STAB2: variants seen among roughly 807,000 people sequenced by gnomAD.
STAB2 encodes stabilin 2, also known as stabilin-2.
STAB2 carries 288 observed loss-of-function variants against 338.1 expected under a neutral mutation model. The observed-to-expected ratio is 0.85, with a 90% CI of 0.77 to 0.94. The LOEUF is 0.94. STAB2 is among the 40% of genes least tolerant of loss of function. The pLI, the probability that STAB2 is intolerant of heterozygous loss-of-function variation, is 0.00. For synonymous variants in STAB2, 1,202 were observed against 1,193.3 expected (o/e 1.01, Z -0.15); for missense variants, 3,141 against 3,210.1 (o/e 0.98, Z 0.52).
chr12:103,756,384 A>C (rs1010189106), intron 63 of STAB2, among the ~76,000 whole-genome samples: 1 of 152,210 alleles, frequency 6.6e-6, no homozygotes, highest in Admixed American at 6.5e-5. Flanking sequence ...CAAGCCATAG[A>C]ATGTAAGTTC....
chr12:103,759,357 C>A, intron 65 of STAB2, 84 bp downstream of exon 65: 1 of 1,534,822 alleles, frequency 6.5e-7, no homozygotes, highest in South Asian at 1.2e-5. Context: ...TAATAGATGG[C>A]AACTATTATG....
chr12:103,741,735 G>A (rs560013994), intron 55 of STAB2, among the ~76,000 whole-genome samples: 2 of 152,238 alleles, frequency 1.3e-5, no homozygotes, highest in African/African-American at 4.8e-5. Flanking sequence ...GATTACAGGC[G>A]TGAGCCGCCG....
chr12:103,594,468 C>A lies in STAB2; in HGVS notation c.289C>A (p.Gln97Lys), dbSNP rs770004436. ...CCATATTTGTAGGAAGGACTATCTC[C>A]AACCTCGGTGTTGTCCTGGCCGCTG... is the stretch of plus-strand genomic sequence containing the variant. ...CRHICRKDYL[Q>K]PRCCPGRWGP... Residue 97 changes from glutamine (Q) to lysine (K), a missense_variant, in exon 3 of 69, where the codon CAA (glutamine) becomes AAA (lysine). Transcript: ENST00000388887. 2 of 1,614,018 alleles carry A rather than the reference C, an allele frequency of 1.2e-6. No homozygotes were observed. Among genetic ancestry groups the A allele is most frequent in the South Asian group, 2.2e-5 (2 of 91,072 alleles).
chr12:103,669,351 G>T, intron 20 of STAB2, 190 bp from the exon 21 acceptor site: 1 of 586,330 alleles, frequency 1.7e-6, no homozygotes, highest in Non-Finnish European at 3.0e-6. Context: ...ACCCAGGGGA[G>T]GGGCTCAGTA....
At chr12:103,737,578 CTCTCTCTCTCTCTCTCTCTCTCTT>C in intron 52 of STAB2, 32 bp from the exon 53 acceptor site, 1 of 766,066 alleles carries the variant, frequency 1.3e-6, no homozygotes, top group Non-Finnish European at 1.8e-6. Flanking sequence ...GACTGTTTCT[CTCTCTCTCTCTCTCTCTCTCTCTT>C]TCTCTTTTTT....
chr12:103,739,500 A>C, intron 54 of STAB2, 32 bp downstream of exon 54: 1 of 1,549,650 alleles, frequency 6.5e-7, no homozygotes. Context: ...ATGTTTGGAG[A>C]GCCATAGGTC....
chr12:103,700,159 G>A (rs1878738636), intron 34 of STAB2, among the ~76,000 whole-genome samples: 1 of 152,098 alleles, frequency 6.6e-6, no homozygotes, highest in Admixed American at 6.5e-5. Flanking sequence ...AATTCATGAG[G>A]CTCAATATTT....
chr12:103,693,988 T>TAAAA (rs540825862), intron 31 of STAB2, among the ~76,000 whole-genome samples: 3 of 136,366 alleles, frequency 2.2e-5, no homozygotes, highest in African/African-American at 8.0e-5. Flanking sequence ...CCCTCTCTAC[T>TAAAA]AAAAAAAAAA....
chr12:103,618,908 G>T (rs539566045), intron 3 of STAB2, among the ~76,000 whole-genome samples: 2 of 152,066 alleles, frequency 1.3e-5, no homozygotes, highest in East Asian at 3.9e-4. Context: ...TCATGGGGGC[G>T]GGCCTTTCCC....
intron 47 of STAB2, among the ~76,000 whole-genome samples, chr12:103,727,968 G>A (rs2118597): frequency 0.028 from 4,221 of 152,188 alleles, 200 homozygotes; most frequent in African/African-American, 0.097. Context: ...ACCTGGGCCC[G>A]TGTACTTAAC....
At chr12:103,695,190 C>T (rs750092281) in intron 31 of STAB2, among the ~76,000 whole-genome samples, 66 of 152,202 alleles carry the variant, frequency 4.3e-4, no homozygotes, top group Non-Finnish European at 7.6e-4. Context: ...ATATTAGCTG[C>T]AACCTGCTGT....
At chr12:103,702,594 C>T (rs560292286) in intron 34 of STAB2, among the ~76,000 whole-genome samples, 57 of 152,374 alleles carry the variant, frequency 3.7e-4, no homozygotes, top group Non-Finnish European at 8.8e-5. Flanking sequence ...CCACCGCGCC[C>T]GGCCTATCAG....
chr12:103,678,784 G>A (rs1466605955), intron 25 of STAB2, among the ~76,000 whole-genome samples: 4 of 151,880 alleles, frequency 2.6e-5, no homozygotes, highest in Non-Finnish European at 5.9e-5. Context: ...CACCTGCCTC[G>A]GCCTCCCAAA....
Position 103,755,712 on chromosome 12 carries a change from C to T in STAB2, c.6981C>T (p.Phe2327=), listed in dbSNP as rs1884052561. ...TGTCCTTCCCCTCACTCACAAACTT[C>T]CTGACGGTATGTACCATGTCTGCTT... ...VLMSFPSLTN[F]LTEVLAYSNS... Residue 2327 remains phenylalanine, a synonymous_variant, in exon 63 of 69, where the codon TTC becomes TTT. Coordinates refer to ENST00000388887, the MANE Select transcript of STAB2 (RefSeq NM_017564.10). 3 of 1,613,996 alleles carry T rather than the reference C, an allele frequency of 1.9e-6. No homozygotes were observed. Among genetic ancestry groups the T allele is most frequent in the Non-Finnish European group, 2.5e-6 (3 of 1,180,024 alleles).
In STAB2 at chr12:103,746,578, G is replaced by A; in HGVS notation, c.6137-19G>A. 6.2e-7 allele frequency: 1 copy of A among 1,612,358 alleles called. No individual in the cohort carries two copies. Among genetic ancestry groups the A allele is most frequent in the East Asian group, 2.2e-5 (1 of 44,864 alleles). On this transcript the variant is annotated intron_variant, in intron 57 of 68. Coordinates refer to ENST00000388887, the MANE Select transcript of STAB2 (RefSeq NM_017564.10). ...TTCACACCATGGGTACAGAATGAAA[G>A]TGGCCCCTTTCTTTGCAGTTTTGCC... is the stretch of plus-strand genomic sequence containing the variant.
In STAB2 at chr12:103,735,599, G is replaced by T. The variant is rs760451833; in HGVS notation, c.5550+19G>T. The T allele has an allele frequency of 3.3e-6, 5 of 1,504,030 alleles. No homozygotes were observed. The highest frequency in any genetic ancestry group is 2.3e-4 in the Middle Eastern group (1 of 4,424). 93.2% of individuals were successfully genotyped at this position (1,504,030 alleles called of 1,614,324 possible). On this transcript the variant is annotated intron_variant, in intron 52 of 68. Transcript: ENST00000388887. ...GGACATCGTGAGTATCATCATGAAG[G>T]GTGGGCAGGGAGGGGTTAACACATT...
intron 5 of STAB2, 133 bp from the exon 6 acceptor site, chr12:103,631,465 A>G: frequency 2.7e-6 from 2 of 751,834 alleles, no homozygotes; most frequent in South Asian, 4.0e-5. Context: ...CCTGGTGCTG[A>G]TAAAAGAGAG....
At chr12:103,598,638 T>C (rs945866046) in intron 3 of STAB2, among the ~76,000 whole-genome samples, 1 of 152,176 alleles carries the variant, frequency 6.6e-6, no homozygotes, top group Non-Finnish European at 1.5e-5. Flanking sequence ...AAATTACACT[T>C]TTTCGTTAAA....
At chr12:103,709,897 C>T (rs1879697655) in intron 39 of STAB2, among the ~76,000 whole-genome samples, 1 of 152,182 alleles carries the variant, frequency 6.6e-6, no homozygotes, top group Non-Finnish European at 1.5e-5. Flanking sequence ...GCTTTCTCTA[C>T]TCTGAAGAAA....
Sources: allele counts gnomAD v4.1 joint callset (sites outside exome capture counted in the v4.1 genomes callset), GRCh38; gene constraint gnomAD v4.1.1; transcripts MANE v1.5; gene names NCBI Gene and HGNC (gene_info 2026-07-23, HGNC 2026-07-21).